Variants in DNAH12 observed in about 807,000 individuals in gnomAD.
DNAH12 encodes the protein dynein axonemal heavy chain 12.
In DNAH12, 285 loss-of-function variants were observed where a neutral mutation model predicts 371.5. That is an observed-to-expected ratio of 0.77 (90% CI 0.70 to 0.85). The LOEUF (loss-of-function observed/expected upper bound fraction) is 0.85, where lower values mean the gene tolerates loss of function less well. Ranked by LOEUF, DNAH12 falls within the 40% of genes least tolerant of loss-of-function variation. DNAH12 has a pLI of 0.00. For synonymous variants in DNAH12, 1,200 were observed against 1,213.0 expected, an observed-to-expected ratio of 0.99 and a Z score of 0.22; for missense variants, 3,611 against 3,689.4, an observed-to-expected ratio of 0.98 and a Z score of 0.55.
intron 62 of DNAH12, among the ~76,000 whole-genome samples, chr3:57,325,109 T>C (rs1425608910): frequency 1.3e-5 from 2 of 152,250 alleles, no homozygotes; most frequent in Non-Finnish European, 2.9e-5. Context: ...CAAGGAGGCC[T>C]GCCTGCCTCT....
At chr3:57,435,304 G>T (rs13076560) in intron 30 of DNAH12, among the ~76,000 whole-genome samples, 2,235 of 145,294 alleles carry the variant, frequency 0.015, 22 homozygotes, top group Non-Finnish European at 0.023. Flanking sequence ...CCCAGGAGGT[G>T]GAGGTTGCAG....
intron 4 of DNAH12, chr3:57,519,736 C>A: frequency 1.2e-6 from 2 of 1,611,128 alleles, no homozygotes; most frequent in Non-Finnish European, 1.7e-6. Context: ...CTGTTTCACC[C>A]ACAGGGACAT....
At chr3:57,425,253 T>C (rs183463440) in intron 34 of DNAH12, 112 bp from the exon 35 acceptor site, 3 of 596,842 alleles carry the variant, frequency 5.0e-6, no homozygotes, top group East Asian at 5.6e-5. Flanking sequence ...ATAAGGTCTT[T>C]TTTTTTGTTT....
At chr3:57,454,070 T>G (rs954136754) in intron 23 of DNAH12, among the ~76,000 whole-genome samples, 1 of 152,040 alleles carries the variant, frequency 6.6e-6, no homozygotes, top group African/African-American at 2.4e-5. Flanking sequence ...GACTACGCCA[T>G]TGCACTCCAG....
At position 57,542,885 on chromosome 3, in the gene DNAH12, G is replaced by T. The variant is rs2069355259; in HGVS notation, c.-15C>A. 1.9e-6 allele frequency: 3 copies of T among 1,569,244 alleles called. No individual in the cohort carries two copies. ...GCATCTGACATCTTGATCCCCTAAA[G>T]ATTAAAATACTCTGTACTCTGAGGA... On this transcript the variant is annotated 5_prime_UTR_variant, in exon 2 of 74. Coordinates refer to ENST00000495027, the MANE Select transcript of DNAH12 (RefSeq NM_001366028.2).
chr3:57,359,886 G>C (rs1232350234), intron 58 of DNAH12, among the ~76,000 whole-genome samples: 1 of 152,102 alleles, frequency 6.6e-6, no homozygotes, highest in Non-Finnish European at 1.5e-5. Flanking sequence ...GGTGGAGAAA[G>C]GTAGAATAGA....
chr3:57,318,029 G>A (rs1322645807), intron 65 of DNAH12, among the ~76,000 whole-genome samples: 3 of 151,950 alleles, frequency 2.0e-5, no homozygotes, highest in African/African-American at 7.3e-5. Context: ...GTTTTCTGTT[G>A]TTGTTATTGA....
intron 12 of DNAH12, 67 bp from the exon 13 acceptor site, chr3:57,483,578 GT>G: frequency 7.0e-7 from 1 of 1,425,910 alleles, no homozygotes; most frequent in African/African-American, 1.5e-5. Flanking sequence ...ATAAATGTGT[GT>G]TATGACGATT....
intron 17 of DNAH12, among the ~76,000 whole-genome samples, chr3:57,468,392 G>A (rs1050235358): frequency 6.6e-6 from 1 of 152,160 alleles, no homozygotes; most frequent in Non-Finnish European, 1.5e-5. Context: ...GGAGGCCAAG[G>A]TGGACAGACT....
At chr3:57,436,280 C>T (rs981057773) in intron 30 of DNAH12, among the ~76,000 whole-genome samples, 2 of 152,114 alleles carry the variant, frequency 1.3e-5, no homozygotes, top group Non-Finnish European at 2.9e-5. Flanking sequence ...TAATGACACC[C>T]TGTATAATAA....
intron 55 of DNAH12, among the ~76,000 whole-genome samples, chr3:57,370,228 C>T (rs2063141087): frequency 6.6e-6 from 1 of 152,104 alleles, no homozygotes. Flanking sequence ...CTACCTCCAC[C>T]TAGGAGACAT....
chr3:57,465,947 G>T (rs944003016), intron 17 of DNAH12, among the ~76,000 whole-genome samples: 1 of 152,096 alleles, frequency 6.6e-6, no homozygotes, highest in African/African-American at 2.4e-5. Flanking sequence ...ATTTTGTTAT[G>T]AAGGTTGATG....
At chr3:57,329,095 A>G (rs1320360758) in intron 62 of DNAH12, among the ~76,000 whole-genome samples, 2 of 149,136 alleles carry the variant, frequency 1.3e-5, no homozygotes, top group Admixed American at 6.7e-5. Flanking sequence ...TTCCATGCTC[A>G]TGGGTAGGAA....
chr3:57,417,714 T>C (rs1204246501), intron 37 of DNAH12, among the ~76,000 whole-genome samples: 1 of 152,220 alleles, frequency 6.6e-6, no homozygotes. Flanking sequence ...ATATCACTCA[T>C]GCCCATTCCT....
rs1356831319 is a variant in DNAH12 at position 57,374,188 on chromosome 3, A to T, written c.8759+1183T>A. Reference sequence around the variant, plus strand: ...GACTCTATCACTTATTCACTAAGTTATCTTTACTAATTTAAAATTACTAAA... The same window carrying T: ...GACTCTATCACTTATTCACTAAGTTTTCTTTACTAATTTAAAATTACTAAA... On this transcript the variant is annotated intron_variant, in intron 55 of 73. Transcript: ENST00000495027. Among the ~76,000 whole-genome samples, 24 of 152,206 alleles carry T rather than the reference A, an allele frequency of 1.6e-4. 1 individual carries two copies. Among genetic ancestry groups the T allele is most frequent in the Admixed American group, 1.4e-3 (21 of 15,278 alleles).
intron 29 of DNAH12, among the ~76,000 whole-genome samples, chr3:57,442,206 T>G (rs1441085481): frequency 6.6e-6 from 1 of 151,482 alleles, no homozygotes; most frequent in East Asian, 1.9e-4. Context: ...TTTTTTAGGT[T>G]AAAAATAAAA....
intron 40 of DNAH12, among the ~76,000 whole-genome samples, chr3:57,407,071 G>C (rs1240785209): frequency 6.6e-6 from 1 of 151,886 alleles, no homozygotes; most frequent in Non-Finnish European, 1.5e-5. Flanking sequence ...GCTAATTTTT[G>C]TATTTTTAGT....
At chr3:57,413,937 T>C (rs1553683857) in intron 38 of DNAH12, 25 bp from the exon 39 acceptor site, 1 of 1,536,736 alleles carries the variant, frequency 6.5e-7, no homozygotes, top group African/African-American at 1.4e-5. Flanking sequence ...AAGAATGGTA[T>C]ATTTACCTAT....
At chr3:57,428,360 G>A in intron 34 of DNAH12, 1 of 1,289,076 alleles carries the variant, frequency 7.8e-7, no homozygotes, top group Middle Eastern at 2.0e-4. Context: ...TGAGTTTTTA[G>A]AGGCACATAT....
Sources: allele counts gnomAD v4.1 joint callset (sites outside exome capture counted in the v4.1 genomes callset), GRCh38; gene constraint gnomAD v4.1.1; transcripts MANE v1.5; gene names NCBI Gene and HGNC (gene_info 2026-07-23, HGNC 2026-07-21).